The following SERPINB2 variants were observed in gnomAD, a reference collection of about 807,000 sequenced individuals.
SERPINB2 encodes the protein serpin family B member 2.
Under a neutral mutation model 39.4 loss-of-function variants are expected in SERPINB2, and 28 were observed. The observed-to-expected ratio is 0.71, with a 90% CI of 0.53 to 0.97. SERPINB2 has a LOEUF of 0.97. SERPINB2 is among the 50% of genes least tolerant of loss of function. The pLI is 0.00. For missense variants in SERPINB2, 557 were observed against 505.3 expected (o/e 1.10, Z -0.98); for synonymous variants, 209 against 175.1 (o/e 1.19, Z -1.53).
chr18:63,892,368 C>T (rs1442072557), intron 2 of SERPINB2, among the ~76,000 whole-genome samples: 3 of 152,138 alleles, frequency 2.0e-5, no homozygotes, highest in Admixed American at 6.6e-5. Context: ...AGTCTGGGCC[C>T]TTGAAATTAT....
chr18:63,902,791 C>T (rs576220677), intron 7 of SERPINB2, 110 bp from the exon 8 acceptor site: 2 of 1,229,866 alleles, frequency 1.6e-6, no homozygotes, highest in Non-Finnish European at 2.2e-6. Context: ...CTATATCACC[C>T]ACAATATAGT....
At chr18:63,897,672 C>T in intron 4 of SERPINB2, 55 bp from the exon 5 acceptor site, 6 of 1,183,842 alleles carry the variant, frequency 5.1e-6, no homozygotes, top group African/African-American at 1.5e-5. Flanking sequence ...ACCATTATGC[C>T]ATGGCTTGTT....
chr18:63,890,694 A>G (rs2049920110), intron 1 of SERPINB2: 1 of 152,444 alleles, frequency 6.6e-6, no homozygotes. Flanking sequence ...GGGGTGGCAG[A>G]AGAAGGGGGT....
chr18:63,902,701 T>C (rs1021094799), intron 7 of SERPINB2, 133 bp downstream of exon 7: 16 of 1,056,600 alleles, frequency 1.5e-5, no homozygotes, highest in African/African-American at 9.6e-5. Flanking sequence ...AAATATGGCA[T>C]GCCTCTACAT....
At chr18:63,901,672 A>G in intron 5 of SERPINB2, 68 bp from the exon 6 acceptor site, 3 of 1,159,982 alleles carry the variant, frequency 2.6e-6, no homozygotes, top group Non-Finnish European at 3.5e-6. Flanking sequence ...ATGGCTACTC[A>G]GAAGATTCAG....
chr18:63,891,681 T>A (rs2049927604), intron 2 of SERPINB2, 69 bp downstream of exon 2: 2 of 1,477,440 alleles, frequency 1.4e-6, no homozygotes, highest in African/African-American at 1.4e-5. Flanking sequence ...ACTGCTCTTG[T>A]TTTATGCTAA....
At chr18:63,897,060 A>T (rs1342707879) in intron 3 of SERPINB2, 31 bp from the exon 4 acceptor site, 3 of 1,601,618 alleles carry the variant, frequency 1.9e-6, no homozygotes, top group Non-Finnish European at 1.7e-6. Flanking sequence ...GTTCTGTGTT[A>T]TATATAAAGA....
rs1284865586 is a variant in SERPINB2, at chr18:63,897,766, C to T, written c.457C>T (p.Pro153Ser). ...CTGTCAGAAATATTACTCCTCAGAA[C>T]CCCAGGCAGTAGACTTCCTAGAATG... ...RLCQKYYSSEPQAVDFLECAE... is the reference protein window; with the variant it reads ...RLCQKYYSSESQAVDFLECAE... The change falls in exon 5 of 8, where the codon CCC (proline) becomes TCC (serine). Residue 153 changes from proline to serine, a missense_variant. Coordinates refer to ENST00000299502, the MANE Select transcript of SERPINB2 (RefSeq NM_002575.3). 1 of 1,613,010 alleles carries T rather than the reference C, an allele frequency of 6.2e-7. No individual in the cohort carries two copies. The highest frequency in any genetic ancestry group is 2.2e-5 in the East Asian group (1 of 44,876).
At chr18:63,893,434 CT>C (rs34100904) in intron 2 of SERPINB2, among the ~76,000 whole-genome samples, 134 of 147,908 alleles carry the variant, frequency 9.1e-4, no homozygotes, top group Middle Eastern at 3.5e-3. Context: ...TCTATATAGT[CT>C]TTTTTTTTTT....
At chr18:63,891,669 G>A in intron 2 of SERPINB2, 57 bp downstream of exon 2, 1 of 1,537,488 alleles carries the variant, frequency 6.5e-7, no homozygotes, top group South Asian at 1.2e-5. Flanking sequence ...TGGAATTGGA[G>A]AACTGCTCTT....
At chr18:63,899,893 G>GA (rs1409895907) in intron 5 of SERPINB2, among the ~76,000 whole-genome samples, 1 of 152,124 alleles carries the variant, frequency 6.6e-6, no homozygotes, top group African/African-American at 2.4e-5. Context: ...TTGTTTATCT[G>GA]AAAATAATTG....
intron 3 of SERPINB2, 143 bp downstream of exon 3, chr18:63,895,526 A>G: frequency 9.4e-7 from 1 of 1,064,392 alleles, no homozygotes; most frequent in Admixed American, 2.2e-5. Flanking sequence ...AGTCATTAAG[A>G]AAAACATGTC....
chr18:63,900,673 C>T (rs1245156771), intron 5 of SERPINB2, among the ~76,000 whole-genome samples: 2 of 152,132 alleles, frequency 1.3e-5, no homozygotes, highest in Non-Finnish European at 2.9e-5. Context: ...GTGGTAACTC[C>T]AAGGTGTTGC....
rs747955935 is a variant in SERPINB2 at position 63,902,609 on chromosome 18, C to G, written c.843+41C>G. The G allele has an allele frequency of 3.2e-5, 48 of 1,521,772 alleles. No homozygotes were observed. The Admixed American group carries it at 4.4e-4, about 14-fold the overall frequency. The allele number at this position is 1,521,772 out of a possible 1,614,324, so 94.3% of individuals were successfully genotyped here. A position where few individuals can be genotyped will look rare whatever the true frequency, so the allele number is the denominator to read the frequency against. Reference sequence around the variant, plus strand: ...ATTTAAGTTTCTGGGGCTATACCTACCTTTCGTGAGATGAGATGAATATAT... The same window carrying G: ...ATTTAAGTTTCTGGGGCTATACCTAGCTTTCGTGAGATGAGATGAATATAT... On this transcript the variant is annotated intron_variant, in intron 7 of 7. Coordinates refer to ENST00000299502, the MANE Select transcript of SERPINB2 (RefSeq NM_002575.3).
At position 63,901,798 on chromosome 18, in the gene SERPINB2, G is replaced by C. The variant is rs763447966; in HGVS notation, c.594G>C (p.Leu198=). 2.5e-6 allele frequency: 4 copies of C among 1,599,576 alleles called. No individual in the cohort carries two copies. Among genetic ancestry groups the C allele is most frequent in the Non-Finnish European group, 3.4e-6 (4 of 1,176,224 alleles). ...TAGATGGGGATACCAGGATGGTCCT[G>C]GTGAATGCTGTCTACTTCAAAGGAA... ...GSVDGDTRMV[L]VNAVYFKGKW... The change falls in exon 6 of 8, where the codon CTG becomes CTC. Residue 198 remains leucine (L), a synonymous_variant. Coordinates refer to ENST00000299502, the MANE Select transcript of SERPINB2 (RefSeq NM_002575.3).
chr18:63,895,674 C>G (rs977005553), intron 3 of SERPINB2, among the ~76,000 whole-genome samples: 1 of 152,188 alleles, frequency 6.6e-6, no homozygotes, highest in Non-Finnish European at 1.5e-5. Flanking sequence ...CATAAATCCA[C>G]AGTAGAGACT....
chr18:63,895,740 CAATT>C (rs543746179), intron 3 of SERPINB2, among the ~76,000 whole-genome samples: 9 of 152,128 alleles, frequency 5.9e-5, no homozygotes, highest in African/African-American at 7.2e-5. Flanking sequence ...TAGGGACTGA[CAATT>C]GATTGAGAAA....
In SERPINB2 at chr18:63,891,424, CTT is replaced by C; in HGVS notation, c.-9-10_-9-9del. The C allele has an allele frequency of 5.0e-6, 8 of 1,612,988 alleles. No individual in the cohort carries two copies. The highest frequency in any genetic ancestry group is 6.8e-6 in the Non-Finnish European group (8 of 1,179,470). On this transcript the variant is annotated splice_polypyrimidine_tract_variant and intron_variant, in intron 1 of 7. Coordinates refer to ENST00000299502, the MANE Select transcript of SERPINB2 (RefSeq NM_002575.3). ...TTCAGAGCTGTTTTTTTCTTCCTCT[CTT>C]TGCTTCTAGATTGAAACAATGGAGG...
rs188498852 is a variant in SERPINB2, at chr18:63,896,429, A to G, written c.289-662A>G. On this transcript the variant is annotated intron_variant, in intron 3 of 7. Coordinates refer to ENST00000299502, the MANE Select transcript of SERPINB2 (RefSeq NM_002575.3). ...TAAAATAGGTATCTAGAGAAGCTAT[A>G]TGAACTTTGTAAGATCATTACTAAG... Among the ~76,000 whole-genome samples, 9 of 140,116 alleles carry G rather than the reference A, an allele frequency of 6.4e-5. No homozygotes were observed. In the East Asian group the frequency reaches 1.8e-3, roughly 28 times the overall value. 91.9% of individuals were successfully genotyped at this position (140,116 alleles called of 152,430 possible). A position where few individuals can be genotyped will look rare whatever the true frequency, so the allele number is the denominator to read the frequency against.
Sources: gnomAD v4.1 joint callset for allele counts (sites outside exome capture counted in the v4.1 genomes callset) on GRCh38, gnomAD v4.1.1 for gene constraint, MANE v1.5 for transcripts, NCBI Gene and HGNC (gene_info 2026-07-23, HGNC 2026-07-21) for gene names.